DMRTB1: variants seen among roughly 807,000 people sequenced by gnomAD.
The protein encoded by DMRTB1 is DMRT like family B with proline rich C-terminal 1, also known as doublesex- and mab-3-related transcription factor B1.
A neutral mutation model predicts 25.2 loss-of-function variants in DMRTB1; 9 were observed. The ratio of observed to expected loss-of-function variants is 0.36; its 90% confidence interval spans 0.22 to 0.62. The LOEUF is 0.62. Ranked by LOEUF, DMRTB1 falls within the 20% of genes least tolerant of loss-of-function variation. The pLI, the probability that DMRTB1 is intolerant of heterozygous loss-of-function variation, is 0.71. For synonymous variants in DMRTB1, 269 were observed against 238.1 expected, an observed-to-expected ratio of 1.13 and a Z score of -1.20; for missense variants, 551 against 499.3, an observed-to-expected ratio of 1.10 and a Z score of -0.99.
intron 1 of DMRTB1, among the ~76,000 whole-genome samples, chr1:53,461,268 C>T (rs1377807084): frequency 1.3e-5 from 2 of 152,166 alleles, no homozygotes; most frequent in African/African-American, 2.4e-5. Context: ...CGGCCCACAG[C>T]GGGCTTGATG....
Position 53,466,799 on chromosome 1 carries a change from A to G in DMRTB1, c.*137A>G. On this transcript the variant is annotated 3_prime_UTR_variant, in exon 4 of 4. Transcript: ENST00000371445. ...TGGCAACTGATTCCCAGTTTAAGATAGGAGGAAGGAGAGCAATTTCTAAGT... is the reference window on the plus strand; with the variant it reads ...TGGCAACTGATTCCCAGTTTAAGATGGGAGGAAGGAGAGCAATTTCTAAGT... 2 of 847,876 alleles carry G rather than the reference A, an allele frequency of 2.4e-6. No homozygotes were observed. Among genetic ancestry groups the G allele is most frequent in the Non-Finnish European group, 3.8e-6 (2 of 521,430 alleles). The allele number at this position is 847,876 out of a possible 1,614,324, so 52.5% of individuals were successfully genotyped here. A position where few individuals can be genotyped will look rare whatever the true frequency, so the allele number is the denominator to read the frequency against.
At position 53,464,631 on chromosome 1, in the gene DMRTB1, G is replaced by T; in HGVS notation, c.751-6G>T. The T allele has an allele frequency of 2.5e-6, 4 of 1,613,046 alleles. No homozygotes were observed. Among genetic ancestry groups the T allele is most frequent in the African/African-American group, 1.3e-5 (1 of 74,966 alleles). On this transcript the variant is annotated splice_region_variant and splice_polypyrimidine_tract_variant and intron_variant, in intron 2 of 3. Coordinates refer to ENST00000371445, the MANE Select transcript of DMRTB1 (RefSeq NM_033067.3). ...TCTCCGCCTCTCTGCTGTGTGTGCC[G>T]TGCAGGTGTCAGAACCAGGAGGAGA...
rs1038137665 is a variant in DMRTB1, at chr1:53,466,699, A to G, written c.*37A>G. On this transcript the variant is annotated 3_prime_UTR_variant, in exon 4 of 4. Coordinates refer to ENST00000371445, the MANE Select transcript of DMRTB1 (RefSeq NM_033067.3). Reference sequence around the variant, plus strand: ...GCCCTCCTGGCCAGCAGAGTGGGGCACTGGGGGGCAACAGCAACAGTTTTC... The same window carrying G: ...GCCCTCCTGGCCAGCAGAGTGGGGCGCTGGGGGGCAACAGCAACAGTTTTC... The G allele has an allele frequency of 5.0e-5, 80 of 1,598,782 alleles. No homozygotes were observed. The highest frequency in any genetic ancestry group is 6.7e-5 in the Non-Finnish European group (78 of 1,170,228).
At position 53,461,592 on chromosome 1, in the gene DMRTB1, C is replaced by T. The variant is rs754155010; in HGVS notation, c.697C>T (p.Leu233=). The T allele has an allele frequency of 1.9e-6, 3 of 1,610,780 alleles. No individual in the cohort carries two copies. The highest frequency in any genetic ancestry group is 3.4e-5 in the Admixed American group (2 of 59,652). Residue 233 remains leucine, a synonymous_variant, in exon 2 of 4, where the codon CTG becomes TTG. Coordinates refer to ENST00000371445, the MANE Select transcript of DMRTB1 (RefSeq NM_033067.3). Reference sequence around the variant, plus strand: ...CCTGGACGCCCCTCCTGGCGTCCCCCTGCAGCAGGGCTTCCGGCATGTGTC... The same window carrying T: ...CCTGGACGCCCCTCCTGGCGTCCCCTTGCAGCAGGGCTTCCGGCATGTGTC... ...GYLDAPPGVP[L]QQGFRHVSRS...
Position 53,459,462 on chromosome 1 carries a change from C to A in DMRTB1, c.9C>A (p.Asp3Glu), listed in dbSNP as rs1345738003. 9.9e-6 allele frequency: 16 copies of A among 1,613,092 alleles called. No individual in the cohort carries two copies. Among genetic ancestry groups the A allele is most frequent in the Non-Finnish European group, 1.4e-5 (16 of 1,179,998 alleles). MA[D>E]KMVRTPKCSR... ...GAAGGCTGACCCTGCCAATGGCCGA[C>A]AAAATGGTGCGCACCCCCAAGTGCT... The change falls in exon 1 of 4, where the codon GAC becomes GAA. Residue 3 changes from aspartate (D) to glutamate (E), a missense_variant. Asp to Glu is a conservative substitution (Grantham distance 45, BLOSUM62 2). Transcript: ENST00000371445.
At chr1:53,462,487 T>C (rs536435578) in intron 2 of DMRTB1, among the ~76,000 whole-genome samples, 4 of 152,362 alleles carry the variant, frequency 2.6e-5, no homozygotes, top group African/African-American at 9.6e-5. Context: ...GCAGCTTCTC[T>C]TCCACTTATC....
rs374195119 is a variant in DMRTB1, at chr1:53,466,620, G to A, written c.987G>A (p.Ser329=). 79 of 1,614,050 alleles carry A rather than the reference G, an allele frequency of 4.9e-5. No individual in the cohort carries two copies. Among genetic ancestry groups the A allele is most frequent in the Non-Finnish European group, 6.3e-5 (74 of 1,180,038 alleles). Residue 329 remains serine (S), a synonymous_variant, in exon 4 of 4, where the codon TCG becomes TCA. Coordinates refer to ENST00000371445, the MANE Select transcript of DMRTB1 (RefSeq NM_033067.3). ...NTDDQDAEVL[S]GEPSQPSSQE... is the part of the protein sequence containing the mutation. ...ATGACCAGGATGCAGAGGTACTGTC[G>A]GGTGAGCCCAGCCAGCCATCGTCTC...
At position 53,464,751 on chromosome 1, in the gene DMRTB1, C is replaced by T. The variant is rs1569653857; in HGVS notation, c.865C>T (p.Leu289Phe). ...GCCCCAGTTCCTCCCGCCAGGCTAC[C>T]TCTCTGCGCTCCACTTCCTCCCCCC... is the stretch of plus-strand genomic sequence containing the variant. ...PQPQFLPPGYLSALHFLPPPP... is the reference protein window; with the variant it reads ...PQPQFLPPGYFSALHFLPPPP... The change falls in exon 3 of 4, where the codon CTC becomes TTC. Residue 289 changes from leucine to phenylalanine, a missense_variant. Leu to Phe is a conservative substitution (Grantham distance 22). Coordinates refer to ENST00000371445, the MANE Select transcript of DMRTB1 (RefSeq NM_033067.3). The T allele has an allele frequency of 6.2e-7, 1 of 1,613,554 alleles. No individual in the cohort carries two copies. The highest frequency in any genetic ancestry group is 2.2e-5 in the East Asian group (1 of 44,876).
rs1441758042 is a variant in DMRTB1 at position 53,466,668 on chromosome 1, A to C, written c.*6A>C. ...CTCAGGAGCAGTCCGACTAGGCCCC[A>C]GGCCCGCCCTCCTGGCCAGCAGAGT... On this transcript the variant is annotated 3_prime_UTR_variant, in exon 4 of 4. Coordinates refer to ENST00000371445, the MANE Select transcript of DMRTB1 (RefSeq NM_033067.3). 3.7e-6 allele frequency: 6 copies of C among 1,614,108 alleles called. No homozygotes were observed. The highest frequency in any genetic ancestry group is 5.1e-6 in the Non-Finnish European group (6 of 1,179,998).
At chr1:53,466,168 C>T (rs1273394383) in intron 3 of DMRTB1, among the ~76,000 whole-genome samples, 1 of 152,152 alleles carries the variant, frequency 6.6e-6, no homozygotes, top group East Asian at 1.9e-4. Context: ...TCCCCTAGGG[C>T]TGGGAATGAT....
chr1:53,460,434 C>CGGCA (rs1376045755), intron 1 of DMRTB1: 3 of 163,246 alleles, frequency 1.8e-5, no homozygotes, highest in African/African-American at 7.2e-5. Flanking sequence ...ATTTTCCTGC[C>CGGCA]GGCACGTTAG....
In DMRTB1 at chr1:53,459,741, C is replaced by T. The variant is rs1644007722; in HGVS notation, c.288C>T (p.Arg96=). ...APVPVPAASL[R]PLSPGTPSGD... ...TCCCCGTCCCGGCCGCGAGCCTCCG[C>T]CCGCTGTCCCCGGGGACTCCCTCCG... Residue 96 remains arginine (R), a synonymous_variant, in exon 1 of 4, where the codon CGC becomes CGT. Coordinates refer to ENST00000371445, the MANE Select transcript of DMRTB1 (RefSeq NM_033067.3). 1 of 1,354,558 alleles carries T rather than the reference C, an allele frequency of 7.4e-7. No individual in the cohort carries two copies. The highest frequency in any genetic ancestry group is 1.7e-5 in the South Asian group (1 of 59,208). The allele number at this position is 1,354,558 out of a possible 1,614,324, so 83.9% of individuals were successfully genotyped here.
In DMRTB1 at chr1:53,466,675, C is replaced by A. The variant is rs776006929; in HGVS notation, c.*13C>A. 6.2e-7 allele frequency: 1 copy of A among 1,613,926 alleles called. No individual in the cohort carries two copies. The highest frequency in any genetic ancestry group is 1.7e-5 in the Admixed American group (1 of 59,970). On this transcript the variant is annotated 3_prime_UTR_variant, in exon 4 of 4. Transcript: ENST00000371445. ...GCAGTCCGACTAGGCCCCAGGCCCG[C>A]CCTCCTGGCCAGCAGAGTGGGGCAC...
At chr1:53,466,531 C>A in intron 3 of DMRTB1, 64 bp from the exon 4 acceptor site, 2 of 1,452,490 alleles carry the variant, frequency 1.4e-6, no homozygotes, top group Non-Finnish European at 1.9e-6. Context: ...AAATCTTCAT[C>A]TGCAAATAGG....
rs145283110 is a variant in DMRTB1, at chr1:53,461,722, A to G, written c.750+77A>G. 9,275 of 1,469,104 alleles carry G rather than the reference A, an allele frequency of 6.3e-3. 212 individuals are homozygous for G. Among genetic ancestry groups the G allele is most frequent in the South Asian group, 0.057 (4,076 of 71,088 alleles). The allele number at this position is 1,469,104 out of a possible 1,614,324, so 91.0% of individuals were successfully genotyped here. ...GCTGCCTTGATGGATCCTCAGTCCCAGGAAGCCAGCTGTCATAAACTGTGC... is the reference window on the plus strand; with the variant it reads ...GCTGCCTTGATGGATCCTCAGTCCCGGGAAGCCAGCTGTCATAAACTGTGC... On this transcript the variant is annotated intron_variant, in intron 2 of 3. Transcript: ENST00000371445.
At chr1:53,460,201 C>A in intron 1 of DMRTB1, 171 bp downstream of exon 1, 1 of 959,380 alleles carries the variant, frequency 1.0e-6, no homozygotes, top group Non-Finnish European at 1.4e-6. Flanking sequence ...GGTAACTTTT[C>A]GCAAAAAGGA....
At chr1:53,461,762 C>T (rs1281741303) in intron 2 of DMRTB1, 117 bp downstream of exon 2, 1 of 1,257,044 alleles carries the variant, frequency 8.0e-7, no homozygotes. Context: ...GCCATGCCAG[C>T]CCCCGAGTGC....
intron 3 of DMRTB1, 69 bp downstream of exon 3, chr1:53,464,916 T>C (rs1644043212): frequency 5.7e-6 from 9 of 1,589,234 alleles, no homozygotes; most frequent in Non-Finnish European, 6.9e-6. Context: ...AGGTACCTAA[T>C]CTGAAGAAAG....
intron 3 of DMRTB1, among the ~76,000 whole-genome samples, chr1:53,465,234 C>A (rs2100639834): frequency 6.6e-6 from 1 of 152,272 alleles, no homozygotes; most frequent in East Asian, 1.9e-4. Flanking sequence ...CCAGGCCTCT[C>A]TAGCTGGGGT....
Sources: gnomAD v4.1 joint callset for allele counts (sites outside exome capture counted in the v4.1 genomes callset) on GRCh38, gnomAD v4.1.1 for gene constraint, MANE v1.5 for transcripts, NCBI Gene and HGNC (gene_info 2026-07-23, HGNC 2026-07-21) for gene names.